The following SLC45A2 variants were observed in gnomAD, a reference collection of about 807,000 sequenced individuals.
SLC45A2 encodes solute carrier family 45 member 2.
SLC45A2 carries 36 observed loss-of-function variants against 45.5 expected under a neutral mutation model. The ratio of observed to expected loss-of-function variants is 0.79; its 90% CI spans 0.61 to 1.04. The LOEUF (loss-of-function observed/expected upper bound fraction) is 1.04. Ranked by LOEUF, SLC45A2 falls within the 50% of genes least tolerant of loss-of-function variation. The pLI is 0.00. For synonymous variants in SLC45A2, 306 were observed against 269.3 expected (o/e 1.14, Z -1.33); for missense variants, 719 against 671.0 (o/e 1.07, Z -0.79).
chr5:33,984,613 CCCA>C lies in SLC45A2; in HGVS notation c.-33_-31del. On this transcript the variant is annotated 5_prime_UTR_variant, in exon 1 of 7. Coordinates refer to ENST00000296589, the MANE Select transcript of SLC45A2 (RefSeq NM_016180.5). Reference sequence around the variant, plus strand: ...ACTGGGAGAGGAACCTTCCTGCGAGCCCACCACCTCCTGCGTGGTCCTAGGGTC... The same window carrying C: ...ACTGGGAGAGGAACCTTCCTGCGAGCCCACCTCCTGCGTGGTCCTAGGGTC... 1 of 1,604,770 alleles carries C rather than the reference CCCA, an allele frequency of 6.2e-7. No individual in the cohort carries two copies. The highest frequency in any genetic ancestry group is 8.5e-7 in the Non-Finnish European group (1 of 1,179,958).
chr5:33,968,466 G>A (rs1752672869), intron 2 of SLC45A2, among the ~76,000 whole-genome samples: 2 of 152,154 alleles, frequency 1.3e-5, no homozygotes, highest in South Asian at 2.1e-4. Flanking sequence ...ACAAAGAAGG[G>A]CCAGAAGTGG....
At chr5:33,957,237 G>A (rs1245333869) in intron 3 of SLC45A2, among the ~76,000 whole-genome samples, 1 of 152,082 alleles carries the variant, frequency 6.6e-6, no homozygotes, top group Non-Finnish European at 1.5e-5. Flanking sequence ...GACACAATTT[G>A]GTAATTGGTC....
intron 3 of SLC45A2, among the ~76,000 whole-genome samples, chr5:33,961,229 G>A (rs976151009): frequency 1.3e-5 from 2 of 152,060 alleles, no homozygotes; most frequent in African/African-American, 4.8e-5. Flanking sequence ...GTCAGCAGCT[G>A]GATTAATATC....
At position 33,947,277 on chromosome 5, in the gene SLC45A2, G is replaced by A. The variant is rs144503724; in HGVS notation, c.1254C>T (p.Phe418=). 318 of 1,614,164 alleles carry A rather than the reference G, an allele frequency of 2.0e-4. 1 individual carries two copies. The African/African-American group carries it at 4.1e-3, about 21-fold the overall frequency. ...FGLGTGFIGL[F]PNVYSTLVLC... The stretch of plus-strand genomic sequence containing the variant: ...GGACCAGGGTGGAGTAGACATTCGG[G>A]AAGAGCCCAATAAATCCCGTCCCCA... Residue 418 remains phenylalanine (F), a synonymous_variant, in exon 6 of 7, where the codon TTC becomes TTT. Transcript: ENST00000296589.
At chr5:33,971,029 TGTGA>T (rs1752760450) in intron 2 of SLC45A2, 4 of 499,034 alleles carry the variant, frequency 8.0e-6, no homozygotes, top group South Asian at 6.0e-5. Context: ...TTGGGCAGAT[TGTGA>T]GTAACATGCT....
chr5:33,971,168 C>A (rs1752765745), intron 2 of SLC45A2: 1 of 531,194 alleles, frequency 1.9e-6, no homozygotes, highest in Admixed American at 1.9e-5. Context: ...TTGGATAGGG[C>A]TACACTAACT....
At chr5:33,973,100 G>T (rs1248768468) in intron 2 of SLC45A2, among the ~76,000 whole-genome samples, 1 of 152,128 alleles carries the variant, frequency 6.6e-6, no homozygotes, top group African/African-American at 2.4e-5. Context: ...GTGTGTTTGC[G>T]ATCAGAGTAA....
intron 2 of SLC45A2, chr5:33,972,400 GA>G: frequency 2.8e-6 from 1 of 362,186 alleles, no homozygotes. Context: ...TAGACACGTT[GA>G]AAATCCATGC....
intron 4 of SLC45A2, among the ~76,000 whole-genome samples, chr5:33,953,608 C>T (rs1752183742): frequency 1.4e-5 from 2 of 146,462 alleles, no homozygotes; most frequent in Non-Finnish European, 3.0e-5. Flanking sequence ...CAAAATCATG[C>T]CAAAATGTAA....
chr5:33,962,327 T>C (rs1196280521), intron 3 of SLC45A2, among the ~76,000 whole-genome samples: 1 of 152,234 alleles, frequency 6.6e-6, no homozygotes, highest in Non-Finnish European at 1.5e-5. Context: ...GTTTGTTAAA[T>C]GAATAATGAT....
intron 3 of SLC45A2, among the ~76,000 whole-genome samples, chr5:33,960,244 A>G (rs965983408): frequency 6.7e-6 from 1 of 150,268 alleles, no homozygotes; most frequent in Non-Finnish European, 1.5e-5. Flanking sequence ...ATCCACGTCA[A>G]CATCTATTTT....
At chr5:33,945,907 T>C (rs1751908444) in intron 6 of SLC45A2, 1 of 945,420 alleles carries the variant, frequency 1.1e-6, no homozygotes, top group Non-Finnish European at 1.3e-6. Flanking sequence ...CCGGAAAGAT[T>C]AACAAAAAAC....
intron 5 of SLC45A2, among the ~76,000 whole-genome samples, chr5:33,950,032 A>T (rs889451854): frequency 1.3e-4 from 20 of 151,662 alleles, no homozygotes; most frequent in East Asian, 7.8e-4. Flanking sequence ...TAAAAAAAAA[A>T]TTTTTTTTAA....
At chr5:33,945,758 G>T (rs1329760146) in intron 6 of SLC45A2, 1 of 171,558 alleles carries the variant, frequency 5.8e-6, no homozygotes, top group African/African-American at 2.4e-5. Flanking sequence ...GGAAACTGAG[G>T]GCCTGCGAGC....
At chr5:33,965,015 CACTACATATGTCACAA>C (rs1752563993) in intron 2 of SLC45A2, among the ~76,000 whole-genome samples, 1 of 152,146 alleles carries the variant, frequency 6.6e-6, no homozygotes, top group South Asian at 2.1e-4. Flanking sequence ...TGGACACATC[CACTACATATGTCACAA>C]ACTTATGTAG....
At chr5:33,979,014 A>T (rs1753002548) in intron 2 of SLC45A2, among the ~76,000 whole-genome samples, 1 of 152,266 alleles carries the variant, frequency 6.6e-6, no homozygotes, top group Admixed American at 6.5e-5. Context: ...ATATTGTCTG[A>T]AACTCATAAA....
intron 2 of SLC45A2, chr5:33,972,191 T>C (rs1752803168): frequency 1.9e-6 from 1 of 524,746 alleles, no homozygotes; most frequent in Admixed American, 2.0e-5. Flanking sequence ...TATTGATGGT[T>C]GTTGGTTTTC....
chr5:33,946,200 T>G (rs1353911917), intron 6 of SLC45A2: 1 of 985,292 alleles, frequency 1.0e-6, no homozygotes, highest in Non-Finnish European at 1.2e-6. Context: ...TTATGATGAC[T>G]CTCCCATTAG....
At chr5:33,983,386 A>T (rs1381301890) in intron 1 of SLC45A2, among the ~76,000 whole-genome samples, 1 of 152,152 alleles carries the variant, frequency 6.6e-6, no homozygotes, top group Non-Finnish European at 1.5e-5. Context: ...GCCACTTCTC[A>T]CCTCCTGTCC....
Sources: allele counts gnomAD v4.1 joint callset (sites outside exome capture counted in the v4.1 genomes callset), GRCh38; gene constraint gnomAD v4.1.1; transcripts MANE v1.5; gene names NCBI Gene and HGNC (gene_info 2026-07-23, HGNC 2026-07-21).